TMEFF1: variants seen among roughly 807,000 people sequenced by gnomAD.
TMEFF1 encodes tomoregulin-1.
TMEFF1 carries 20 observed loss-of-function variants against 47.5 expected under a neutral mutation model. The ratio of observed to expected loss-of-function variants is 0.42; its 90% confidence interval spans 0.30 to 0.61. The LOEUF (loss-of-function observed/expected upper bound fraction) is 0.61. Among genes scored for constraint, TMEFF1 ranks in the 20% least tolerant of loss-of-function variants. The pLI, the probability that TMEFF1 is intolerant of heterozygous loss-of-function variation, is 0.19. For synonymous variants in TMEFF1, 162 were observed against 166.3 expected (o/e 0.97, Z 0.20); for missense variants, 411 against 471.1 (o/e 0.87, Z 1.18).
intron 6 of TMEFF1, among the ~76,000 whole-genome samples, 158 bp downstream of exon 6, chr9:100,548,050 GTTT>G (rs970902064): frequency 6.6e-6 from 1 of 151,152 alleles, no homozygotes; most frequent in African/African-American, 2.4e-5. Context: ...TACTAATTTA[GTTT>G]TTTTTCATTA....
At chr9:100,532,552 T>C (rs867615870) in intron 5 of TMEFF1, among the ~76,000 whole-genome samples, 3 of 151,992 alleles carry the variant, frequency 2.0e-5, no homozygotes, top group African/African-American at 4.8e-5. Context: ...CATCTCACAC[T>C]AGTTAGAATG....
At chr9:100,524,693 G>A (rs78547157) in intron 5 of TMEFF1, among the ~76,000 whole-genome samples, 3,078 of 152,092 alleles carry the variant, frequency 0.02, 107 homozygotes, top group African/African-American at 0.071. Flanking sequence ...AGTGGGTTGA[G>A]TTGTTCTTGC....
At chr9:100,536,544 A>T (rs1838512040) in intron 5 of TMEFF1, among the ~76,000 whole-genome samples, 1 of 152,212 alleles carries the variant, frequency 6.6e-6, no homozygotes, top group Admixed American at 6.5e-5. Context: ...CATTGTCACT[A>T]ATTTTGGTAA....
intron 1 of TMEFF1, among the ~76,000 whole-genome samples, chr9:100,489,781 A>G (rs912609505): frequency 6.6e-6 from 1 of 152,214 alleles, no homozygotes; most frequent in Non-Finnish European, 1.5e-5. Flanking sequence ...TAACCGCACC[A>G]TAACAGATTC....
At chr9:100,531,303 G>T (rs1838372212) in intron 5 of TMEFF1, among the ~76,000 whole-genome samples, 1 of 152,180 alleles carries the variant, frequency 6.6e-6, no homozygotes, top group Non-Finnish European at 1.5e-5. Flanking sequence ...AATTGTCCCT[G>T]TTTGCAGACG....
chr9:100,513,464 A>C, intron 4 of TMEFF1, 131 bp downstream of exon 4: 1 of 1,161,476 alleles, frequency 8.6e-7, no homozygotes, highest in Non-Finnish European at 1.2e-6. Flanking sequence ...CTTGAAGTGT[A>C]CAAATTCAGT....
chr9:100,508,956 A>T, intron 2 of TMEFF1, 49 bp from the exon 3 acceptor site: 1 of 1,499,604 alleles, frequency 6.7e-7, no homozygotes, highest in Non-Finnish European at 8.9e-7. Flanking sequence ...GAAATAAACT[A>T]TTAATATTCA....
intron 2 of TMEFF1, among the ~76,000 whole-genome samples, chr9:100,502,633 A>AT (rs1320735636): frequency 2.0e-5 from 3 of 152,198 alleles, no homozygotes; most frequent in Admixed American, 2.0e-4. Flanking sequence ...AAGTGCTGGG[A>AT]TTACGGGTAT....
At chr9:100,521,507 C>T (rs1448703705) in intron 5 of TMEFF1, among the ~76,000 whole-genome samples, 2 of 152,202 alleles carry the variant, frequency 1.3e-5, no homozygotes, top group African/African-American at 2.4e-5. Flanking sequence ...CCTTCCTTTA[C>T]AGCAACTTGT....
At chr9:100,541,997 C>T (rs917645328) in intron 5 of TMEFF1, among the ~76,000 whole-genome samples, 1 of 152,044 alleles carries the variant, frequency 6.6e-6, no homozygotes, top group Non-Finnish European at 1.5e-5. Context: ...CAGCCAACTA[C>T]CTTTGTTATT....
At position 100,497,320 on chromosome 9, in the gene TMEFF1, C is replaced by CTTT. The variant is rs752427622; in HGVS notation, c.197-1423_197-1421dup. 9.0e-3 allele frequency among the ~76,000 whole-genome samples: 535 copies of CTTT among 59,394 alleles called. 25 individuals carry two copies. The highest frequency in any genetic ancestry group is 0.024 in the African/African-American group (354 of 14,644). The allele number at this position is 59,394 out of a possible 152,430, so 39.0% of individuals were successfully genotyped here. ...TCTTGCTTTAAGTTTCCACTCATGT[C>CTTT]TTTTTTTTTTTTTTTTTTTTTTTTG... On this transcript the variant is annotated intron_variant, in intron 1 of 9. Coordinates refer to ENST00000374879, the MANE Select transcript of TMEFF1 (RefSeq NM_003692.5).
In TMEFF1 at chr9:100,561,427, T is replaced by C; in HGVS notation, c.806T>C (p.Ile269Thr). ...AGTGATCAAAGAGAAGATGTTTATA[T>C]TGGAAACCACATGCCTTGCCCTGAA... The part of the protein sequence containing the change: ...DASDQREDVY[I>T]GNHMPCPENL... Residue 269 changes from isoleucine (I) to threonine (T), a missense_variant, in exon 8 of 10, where the codon ATT (isoleucine) becomes ACT (threonine). By Grantham distance (89) the Ile-to-Thr change is moderately conservative. Transcript: ENST00000374879. 1 of 1,613,632 alleles carries C rather than the reference T, an allele frequency of 6.2e-7. No individual in the cohort carries two copies. Among genetic ancestry groups the C allele is most frequent in the Non-Finnish European group, 8.5e-7 (1 of 1,179,774 alleles).
At chr9:100,527,284 G>C (rs1009101620) in intron 5 of TMEFF1, among the ~76,000 whole-genome samples, 1 of 152,234 alleles carries the variant, frequency 6.6e-6, no homozygotes, top group Non-Finnish European at 1.5e-5. Context: ...CTCCCAGCGT[G>C]AGCCACGCAG....
chr9:100,573,366 A>G (rs1839283807), intron 9 of TMEFF1, among the ~76,000 whole-genome samples: 1 of 152,162 alleles, frequency 6.6e-6, no homozygotes. Context: ...TCTGTATTAT[A>G]AATAAAATTA....
In TMEFF1 at chr9:100,473,748, C is replaced by A; in HGVS notation, c.196+8C>A. 6 of 1,502,516 alleles carry A rather than the reference C, an allele frequency of 4.0e-6. No individual in the cohort carries two copies. The highest frequency in any genetic ancestry group is 5.4e-6 in the Non-Finnish European group (6 of 1,121,038). The allele number at this position is 1,502,516 out of a possible 1,614,324, so 93.1% of individuals were successfully genotyped here. On this transcript the variant is annotated splice_region_variant and intron_variant, in intron 1 of 9. Transcript: ENST00000374879. The surrounding 1 kb of genome is among the most constrained non-coding windows in gnomAD (Gnocchi z 5.4). ...AGAGCATCAACTGCTCAGGTAGGAC[C>A]GGTCGGAGCCGGCCCTAGGTCTTCC...
At chr9:100,511,005 C>G (rs751992747) in intron 3 of TMEFF1, among the ~76,000 whole-genome samples, 2 of 152,176 alleles carry the variant, frequency 1.3e-5, no homozygotes, top group Non-Finnish European at 2.9e-5. Flanking sequence ...ATCCTTCTAT[C>G]AGGTATGACG....
At chr9:100,501,916 T>TA (rs1310793891) in intron 2 of TMEFF1, among the ~76,000 whole-genome samples, 8 of 152,310 alleles carry the variant, frequency 5.3e-5, no homozygotes, top group Non-Finnish European at 5.9e-5. Flanking sequence ...GTGCTGGGAT[T>TA]ACAGGCATGA....
rs1179885722 is a variant in TMEFF1 at position 100,516,569 on chromosome 9, C to T, written c.464-106C>T. Reference sequence around the variant, plus strand: ...TTGGAAGTGACTGTTTTCAAGAGCTCAGGTACATTTTCCTCAGAAACAGGA... The same window carrying T: ...TTGGAAGTGACTGTTTTCAAGAGCTTAGGTACATTTTCCTCAGAAACAGGA... On this transcript the variant is annotated intron_variant, in intron 4 of 9. Coordinates refer to ENST00000374879, the MANE Select transcript of TMEFF1 (RefSeq NM_003692.5). 3 of 1,389,870 alleles carry T rather than the reference C, an allele frequency of 2.2e-6. No homozygotes were observed. In the South Asian group the frequency reaches 4.4e-5, roughly 21 times the overall value. 86.1% of individuals were successfully genotyped at this position (1,389,870 alleles called of 1,614,324 possible). A position where few individuals can be genotyped will look rare whatever the true frequency, so the allele number is the denominator to read the frequency against.
chr9:100,520,607 T>A (rs1363017139), intron 5 of TMEFF1, among the ~76,000 whole-genome samples: 2 of 152,258 alleles, frequency 1.3e-5, no homozygotes, highest in African/African-American at 4.8e-5. Context: ...TACATACTTC[T>A]TTGCCTTCTT....
Sources: allele counts gnomAD v4.1 joint callset (sites outside exome capture counted in the v4.1 genomes callset), GRCh38; gene constraint gnomAD v4.1.1; non-coding constraint Gnocchi (gnomAD v3.1); transcripts MANE v1.5; gene names NCBI Gene and HGNC (gene_info 2026-07-23, HGNC 2026-07-21).